ARHGAP24: variants seen among roughly 807,000 people sequenced by gnomAD.
ARHGAP24 encodes rho GTPase-activating protein 24.
A neutral mutation model predicts 76.4 loss-of-function variants in ARHGAP24; 50 were observed. The ratio of observed to expected loss-of-function variants is 0.65; its 90% CI spans 0.52 to 0.83. The LOEUF is 0.83. Ranked by LOEUF, ARHGAP24 falls within the 40% of genes least tolerant of loss-of-function variation. ARHGAP24 has a pLI of 0.00. For missense variants in ARHGAP24, 930 were observed against 914.2 expected, an observed-to-expected ratio of 1.02 and a Z score of -0.22; for synonymous variants, 345 against 323.3, an observed-to-expected ratio of 1.07 and a Z score of -0.72.
At chr4:85,781,464 CTA>C (rs748963564) in intron 3 of ARHGAP24, among the ~76,000 whole-genome samples, 219 of 152,060 alleles carry the variant, frequency 1.4e-3, no homozygotes, top group Non-Finnish European at 2.6e-3. Context: ...CAGGGCAATT[CTA>C]TGTTTCAACT....
At position 86,001,745 on chromosome 4, in the gene ARHGAP24, T is replaced by C; in HGVS notation, c.*1023T>C. Reference sequence around the variant, plus strand: ...CCCTCTGAGTGAAACTGCTAGAGTATATGTCACGTAGTGACATTTTTTTCT... The same window carrying C: ...CCCTCTGAGTGAAACTGCTAGAGTACATGTCACGTAGTGACATTTTTTTCT... On this transcript the variant is annotated 3_prime_UTR_variant, in exon 10 of 10. Coordinates refer to ENST00000395184, the MANE Select transcript of ARHGAP24 (RefSeq NM_001025616.3). 1 of 259,972 alleles carries C rather than the reference T, an allele frequency of 3.8e-6. No homozygotes were observed. Among genetic ancestry groups the C allele is most frequent in the Non-Finnish European group, 7.2e-6 (1 of 138,614 alleles). 16.1% of individuals were successfully genotyped at this position (259,972 alleles called of 1,614,324 possible). A position where few individuals can be genotyped will look rare whatever the true frequency, so the allele number is the denominator to read the frequency against.
At chr4:85,541,558 A>G (rs1725703932) in intron 1 of ARHGAP24, among the ~76,000 whole-genome samples, 1 of 152,142 alleles carries the variant, frequency 6.6e-6, no homozygotes, top group South Asian at 2.1e-4. Flanking sequence ...AGCTTAACAT[A>G]ATTTTTTGAA....
chr4:85,842,408 A>T (rs1270539397), intron 3 of ARHGAP24, among the ~76,000 whole-genome samples: 5 of 152,126 alleles, frequency 3.3e-5, no homozygotes, highest in African/African-American at 4.8e-5. Flanking sequence ...GATTGGAGGG[A>T]GCAGTATTAT....
chr4:85,525,682 CT>C (rs1724962552), intron 1 of ARHGAP24, among the ~76,000 whole-genome samples: 1 of 152,120 alleles, frequency 6.6e-6, no homozygotes, highest in African/African-American at 2.4e-5. Flanking sequence ...CACAGTCAGT[CT>C]TTTGGAGACT....
intron 1 of ARHGAP24, among the ~76,000 whole-genome samples, chr4:85,507,246 G>A (rs1724091619): frequency 1.3e-5 from 2 of 151,896 alleles, no homozygotes; most frequent in African/African-American, 2.4e-5. Flanking sequence ...TTTAGAGACA[G>A]GGTCTTACTC....
Position 85,651,954 on chromosome 4 carries a change from A to T in ARHGAP24, c.181-69931A>T, listed in dbSNP as rs77492155. Reference sequence around the variant, plus strand: ...ATTATTCAAAAATTTTTGATAGCGAACAATTTAAAGTCTTTCTCAGAAAAT... The same window carrying T: ...ATTATTCAAAAATTTTTGATAGCGATCAATTTAAAGTCTTTCTCAGAAAAT... On this transcript the variant is annotated intron_variant, in intron 2 of 9. Transcript: ENST00000395184. 2.2e-4 allele frequency among the ~76,000 whole-genome samples: 34 copies of T among 152,288 alleles called. No homozygotes were observed. In the East Asian group the frequency reaches 5.8e-3, roughly 26 times the overall value.
intron 3 of ARHGAP24, among the ~76,000 whole-genome samples, chr4:85,831,218 TA>T (rs1254099001): frequency 2.0e-5 from 3 of 152,158 alleles, no homozygotes; most frequent in Non-Finnish European, 4.4e-5. Context: ...CAATACAACA[TA>T]AACTCTTTAC....
intron 3 of ARHGAP24, among the ~76,000 whole-genome samples, chr4:85,818,190 T>A (rs1729323546): frequency 6.6e-6 from 1 of 152,252 alleles, no homozygotes; most frequent in Admixed American, 6.5e-5. Context: ...ATAATGCAGA[T>A]AAGGGAACCC....
rs185349213 is a variant in ARHGAP24 at position 85,486,691 on chromosome 4, A to T, written c.-21+11132A>T. 9.7e-4 allele frequency among the ~76,000 whole-genome samples: 147 copies of T among 152,290 alleles called. 2 individuals are homozygous for T. The Middle Eastern group carries it at 0.027, about 28-fold the overall frequency. On this transcript the variant is annotated intron_variant, in intron 1 of 9. Transcript: ENST00000395184. Reference sequence around the variant, plus strand: ...CATAGCTTAAGGACATACTAGTAATAGTTCCTTTAAATTACTAGTTTCTTG... The same window carrying T: ...CATAGCTTAAGGACATACTAGTAATTGTTCCTTTAAATTACTAGTTTCTTG...
intron 9 of ARHGAP24, among the ~76,000 whole-genome samples, chr4:85,997,098 C>T (rs993128105): frequency 3.3e-5 from 5 of 152,124 alleles, no homozygotes; most frequent in Non-Finnish European, 5.9e-5. Context: ...CAAGGGAGAG[C>T]TCTGCAGTAG....
Position 85,994,832 on chromosome 4 carries a change from C to T in ARHGAP24, c.1178C>T (p.Thr393Ile), listed in dbSNP as rs751641946. The T allele has an allele frequency of 2.2e-5, 36 of 1,614,044 alleles. No individual in the cohort carries two copies. Among genetic ancestry groups the T allele is most frequent in the East Asian group, 4.5e-5 (2 of 44,870 alleles). Residue 393 changes from threonine (T) to isoleucine (I), a missense_variant, in exon 9 of 10, where the codon ACA (threonine) becomes ATA (isoleucine). Coordinates refer to ENST00000395184, the MANE Select transcript of ARHGAP24 (RefSeq NM_001025616.3). ...QRSSMNNGSPTALSGSKTNSP... is the reference protein window; with the variant it reads ...QRSSMNNGSPIALSGSKTNSP... ...AGCAGCATGAACAATGGATCCCCCA[C>T]AGCTCTATCAGGCAGCAAAACCAAC...
intron 2 of ARHGAP24, among the ~76,000 whole-genome samples, chr4:85,618,956 A>G (rs770532229): frequency 1.3e-5 from 2 of 152,052 alleles, no homozygotes; most frequent in Non-Finnish European, 2.9e-5. Flanking sequence ...GCAGTACAGA[A>G]GCTTTTTGAT....
chr4:85,797,910 G>C (rs1404451068), intron 3 of ARHGAP24, among the ~76,000 whole-genome samples: 2 of 152,138 alleles, frequency 1.3e-5, no homozygotes, highest in Non-Finnish European at 2.9e-5. Context: ...AATAAATAGA[G>C]ACACAATATC....
At chr4:85,874,594 G>C (rs777321364) in intron 3 of ARHGAP24, among the ~76,000 whole-genome samples, 3 of 151,634 alleles carry the variant, frequency 2.0e-5, no homozygotes, top group Non-Finnish European at 4.4e-5. Flanking sequence ...GGAAAGTCAT[G>C]TGAATAACTT....
At chr4:85,762,935 G>A (rs921922366) in intron 3 of ARHGAP24, among the ~76,000 whole-genome samples, 3 of 152,002 alleles carry the variant, frequency 2.0e-5, no homozygotes, top group Non-Finnish European at 4.4e-5. Context: ...CTATTATTTC[G>A]TTTCCAAATA....
chr4:85,716,512 A>G (rs1419314476), intron 2 of ARHGAP24, among the ~76,000 whole-genome samples: 3 of 152,118 alleles, frequency 2.0e-5, no homozygotes, highest in Non-Finnish European at 4.4e-5. Context: ...CTTATCAAAA[A>G]GGTTCCATTT....
intron 1 of ARHGAP24, among the ~76,000 whole-genome samples, chr4:85,547,870 C>A (rs143414561): frequency 1.1e-3 from 175 of 152,314 alleles, no homozygotes; most frequent in African/African-American, 3.9e-3. Context: ...TGTCAAACTT[C>A]TACCTACTAG....
chr4:85,871,090 T>C (rs888673681), intron 3 of ARHGAP24, among the ~76,000 whole-genome samples: 1 of 152,192 alleles, frequency 6.6e-6, no homozygotes, highest in Non-Finnish European at 1.5e-5. Flanking sequence ...GAAAGGGAAT[T>C]GATTTTCTCA....
chr4:85,893,655 A>G lies in ARHGAP24; in HGVS notation c.269-29993A>G, dbSNP rs1323472279. Among the ~76,000 whole-genome samples, 9 of 123,078 alleles carry G rather than the reference A, an allele frequency of 7.3e-5. No homozygotes were observed. The East Asian group carries it at 1.7e-3, about 24-fold the overall frequency. 80.7% of individuals were successfully genotyped at this position (123,078 alleles called of 152,430 possible). A position where few individuals can be genotyped will look rare whatever the true frequency, so the allele number is the denominator to read the frequency against. On this transcript the variant is annotated intron_variant, in intron 3 of 9. Transcript: ENST00000395184. ...GGCTGGATATGAAATTCTGGGTTGA[A>G]AATTCTTTTCTTTAAGAATGTTGAA...
Sources: gnomAD v4.1 joint callset for allele counts (sites outside exome capture counted in the v4.1 genomes callset) on GRCh38, gnomAD v4.1.1 for gene constraint, MANE v1.5 for transcripts, NCBI Gene and HGNC (gene_info 2026-07-23, HGNC 2026-07-21) for gene names.